The following ADAMTS19 variants were observed in gnomAD, a reference collection of about 807,000 sequenced individuals.
ADAMTS19 encodes the protein ADAM metallopeptidase with thrombospondin type 1 motif 19.
In ADAMTS19, 93 loss-of-function variants were observed where a neutral mutation model predicts 153.3. The observed-to-expected ratio is 0.61, with a 90% CI of 0.51 to 0.72. The LOEUF is 0.72. Ranked by LOEUF, ADAMTS19 falls within the 30% of genes least tolerant of loss-of-function variation. ADAMTS19 has a pLI of 0.00. For missense variants in ADAMTS19, 1,482 were observed against 1,552.1 expected (o/e 0.95, Z 0.76); for synonymous variants, 600 against 556.6 (o/e 1.08, Z -1.10).
intron 21 of ADAMTS19, among the ~76,000 whole-genome samples, chr5:129,708,339 A>C (rs1018642630): frequency 1.3e-5 from 2 of 152,066 alleles, no homozygotes; most frequent in African/African-American, 4.8e-5. Context: ...TTCTGACTAT[A>C]TCTCTCTCTG....
Position 129,737,340 on chromosome 5 carries a change from T to A in ADAMTS19, c.*122T>A. ...ATATAATTTAATCAAATTAATTTAT[T>A]TTTTTGCCTGCCAAACATCCAATGT... On this transcript the variant is annotated 3_prime_UTR_variant, in exon 23 of 23. Transcript: ENST00000274487. 9.0e-7 allele frequency: 1 copy of A among 1,107,760 alleles called. No homozygotes were observed. The highest frequency in any genetic ancestry group is 1.2e-6 in the Non-Finnish European group (1 of 849,764). 68.6% of individuals were successfully genotyped at this position (1,107,760 alleles called of 1,614,324 possible). A position where few individuals can be genotyped will look rare whatever the true frequency, so the allele number is the denominator to read the frequency against.
intron 2 of ADAMTS19, chr5:129,500,649 G>A (rs1751069291): frequency 6.6e-6 from 1 of 152,052 alleles, no homozygotes; most frequent in Non-Finnish European, 1.5e-5. Flanking sequence ...TCAACATAAA[G>A]CTTAGCAACA....
At chr5:129,668,998 G>A (rs1245459727) in intron 16 of ADAMTS19, among the ~76,000 whole-genome samples, 2 of 151,850 alleles carry the variant, frequency 1.3e-5, no homozygotes, top group East Asian at 1.9e-4. Flanking sequence ...TTCCTACAAA[G>A]CTATGGTAAT....
At chr5:129,704,436 T>G in intron 21 of ADAMTS19, 45 bp downstream of exon 21, 1 of 1,591,452 alleles carries the variant, frequency 6.3e-7, no homozygotes, top group Non-Finnish European at 8.6e-7. Context: ...TTCAATAATG[T>G]CAGCATTGCC....
At chr5:129,619,897 T>C (rs1751699334) in intron 8 of ADAMTS19, among the ~76,000 whole-genome samples, 1 of 151,932 alleles carries the variant, frequency 6.6e-6, no homozygotes, top group Admixed American at 6.6e-5. Context: ...TGAAGATTCT[T>C]TATTTGGTGG....
intron 6 of ADAMTS19, among the ~76,000 whole-genome samples, chr5:129,549,789 CAT>C (rs1344165972): frequency 3.4e-5 from 5 of 149,160 alleles, no homozygotes; most frequent in Admixed American, 1.3e-4. Flanking sequence ...CACACACACA[CAT>C]ACATATATCT....
intron 21 of ADAMTS19, among the ~76,000 whole-genome samples, chr5:129,719,967 G>T (rs1272554713): frequency 6.6e-6 from 1 of 152,072 alleles, no homozygotes; most frequent in Non-Finnish European, 1.5e-5. Context: ...TTGAACCTGG[G>T]AGGCAGAGAT....
intron 7 of ADAMTS19, among the ~76,000 whole-genome samples, chr5:129,573,872 AAT>A (rs1216335440): frequency 1.6e-4 from 25 of 152,092 alleles, no homozygotes; most frequent in Non-Finnish European, 4.4e-5. Flanking sequence ...TGAATATTAA[AAT>A]ATGTTGATTA....
At chr5:129,639,630 AC>A (rs1752706529) in intron 10 of ADAMTS19, among the ~76,000 whole-genome samples, 1 of 152,216 alleles carries the variant, frequency 6.6e-6, no homozygotes, top group Non-Finnish European at 1.5e-5. Flanking sequence ...ACAACGTTCA[AC>A]AAGCAAGCAT....
intron 6 of ADAMTS19, among the ~76,000 whole-genome samples, chr5:129,549,850 A>G (rs1203264930): frequency 1.6e-5 from 2 of 128,408 alleles, no homozygotes; most frequent in Non-Finnish European, 3.2e-5. Flanking sequence ...ATCTATATAT[A>G]CATATACATG....
At chr5:129,478,535 C>T (rs1457090902) in intron 2 of ADAMTS19, among the ~76,000 whole-genome samples, 7 of 152,052 alleles carry the variant, frequency 4.6e-5, no homozygotes, top group Non-Finnish European at 7.4e-5. Context: ...GAAAGTGGAA[C>T]CCCTACCTTT....
intron 7 of ADAMTS19, among the ~76,000 whole-genome samples, chr5:129,596,011 C>A (rs1383824028): frequency 2.0e-5 from 3 of 151,778 alleles, no homozygotes; most frequent in Non-Finnish European, 4.4e-5. Context: ...AAGAAATTTT[C>A]AAATAAAATC....
At chr5:129,614,466 C>T (rs944743757) in intron 8 of ADAMTS19, among the ~76,000 whole-genome samples, 2 of 152,090 alleles carry the variant, frequency 1.3e-5, no homozygotes, top group African/African-American at 4.8e-5. Flanking sequence ...GCAGAAAAGG[C>T]CTGTGACAAA....
intron 8 of ADAMTS19, among the ~76,000 whole-genome samples, chr5:129,609,226 G>GA (rs1388357453): frequency 6.6e-6 from 1 of 152,160 alleles, no homozygotes; most frequent in Non-Finnish European, 1.5e-5. Context: ...CCTTGGGCTT[G>GA]AATTATTGTT....
intron 13 of ADAMTS19, among the ~76,000 whole-genome samples, chr5:129,650,788 C>T (rs1181133410): frequency 2.0e-5 from 3 of 152,164 alleles, no homozygotes; most frequent in Non-Finnish European, 4.4e-5. Flanking sequence ...CCCTCAAGAT[C>T]ATAGCCATCT....
In ADAMTS19 at chr5:129,641,926, C is replaced by A. The variant is rs767209643; in HGVS notation, c.1838C>A (p.Pro613Gln). Residue 613 changes from proline (P) to glutamine (Q), a missense_variant, in exon 11 of 23, where the codon CCA becomes CAA. Physicochemically the swap from Pro to Gln is moderately conservative, Grantham distance 76. Around this residue, in one of 2 missense-constraint regions of ADAMTS19, gnomAD observed 866 missense variants for 827.7 expected, o/e 1.05. Coordinates refer to ENST00000274487, the MANE Select transcript of ADAMTS19 (RefSeq NM_133638.6). Reference protein sequence around the residue: ...GEKECRTKLDPPMDGTDCDLG... With the variant: ...GEKECRTKLDQPMDGTDCDLG... The stretch of plus-strand genomic sequence containing the variant: ...AAAGAATGCAGAACCAAGCTAGACC[C>A]ACCAATGGATGGAACTGACTGTGAC... 5 of 1,602,490 alleles carry A rather than the reference C, an allele frequency of 3.1e-6. No individual in the cohort carries two copies. Among genetic ancestry groups the A allele is most frequent in the Non-Finnish European group, 1.7e-6 (2 of 1,173,448 alleles).
intron 20 of ADAMTS19, among the ~76,000 whole-genome samples, chr5:129,704,029 T>C (rs1284928294): frequency 6.6e-6 from 1 of 152,204 alleles, no homozygotes; most frequent in Non-Finnish European, 1.5e-5. Context: ...CTGAAACCAC[T>C]TATCTCCAGC....
chr5:129,474,708 C>T (rs1323125405), intron 2 of ADAMTS19, among the ~76,000 whole-genome samples: 1 of 152,136 alleles, frequency 6.6e-6, no homozygotes, highest in Non-Finnish European at 1.5e-5. Context: ...TCTGGAGTCA[C>T]TCTGTTCTTA....
intron 11 of ADAMTS19, among the ~76,000 whole-genome samples, chr5:129,647,156 C>T (rs1226179302): frequency 6.1e-5 from 9 of 148,318 alleles, no homozygotes; most frequent in Non-Finnish European, 8.9e-5. Context: ...TAATTGCCCA[C>T]GTCTTTCAAA....
Sources: allele counts gnomAD v4.1 joint callset (sites outside exome capture counted in the v4.1 genomes callset), GRCh38; gene constraint gnomAD v4.1.1; regional missense constraint gnomAD v4.1.1; transcripts MANE v1.5; gene names NCBI Gene and HGNC (gene_info 2026-07-23, HGNC 2026-07-21).